EMILIN2: variants seen among roughly 807,000 people sequenced by gnomAD.
EMILIN2 encodes the protein EMILIN-2.
EMILIN2 carries 71 observed loss-of-function variants against 87.1 expected under a neutral mutation model. The observed-to-expected ratio is 0.82, with a 90% CI of 0.67 to 0.99. EMILIN2 has a LOEUF of 0.99. Among genes scored for constraint, EMILIN2 ranks in the 50% least tolerant of loss-of-function variants. The pLI is 0.00. For missense variants in EMILIN2, 1,407 were observed against 1,371.8 expected, an observed-to-expected ratio of 1.03 and a Z score of -0.40; for synonymous variants, 581 against 563.4, an observed-to-expected ratio of 1.03 and a Z score of -0.44.
intron 2 of EMILIN2, among the ~76,000 whole-genome samples, chr18:2,866,856 A>T (rs762666988): frequency 1.4e-4 from 22 of 152,182 alleles, no homozygotes; most frequent in African/African-American, 5.3e-4. Context: ...CTTTTATTAC[A>T]TTGAAGTATG....
chr18:2,848,422 T>C lies in EMILIN2; in HGVS notation c.257+491T>C, dbSNP rs1455301650. Among the ~76,000 whole-genome samples the C allele has an allele frequency of 1.3e-5, 2 of 152,154 alleles. No homozygotes were observed. Among genetic ancestry groups the C allele is most frequent in the Non-Finnish European group, 2.9e-5 (2 of 68,026 alleles). ...CCCATAAAACGGAATCTTCCAGTTT[T>C]GTAGATGTCTAAGCTAAAACCTCAG... On this transcript the variant is annotated intron_variant, in intron 2 of 7. Transcript: ENST00000254528. This position sits in a 1 kb window ranked among gnomAD's most constrained non-coding sequence, Gnocchi z 4.1.
chr18:2,868,353 G>C (rs936698179), intron 2 of EMILIN2, among the ~76,000 whole-genome samples: 2 of 152,088 alleles, frequency 1.3e-5, no homozygotes, highest in Non-Finnish European at 2.9e-5. Flanking sequence ...CATCCCAGAC[G>C]ATGGGCGGCC....
In EMILIN2 at chr18:2,888,725, A is replaced by C. The variant is rs185196790; in HGVS notation, c.434-1836A>C. Among the ~76,000 whole-genome samples, 536 of 151,746 alleles carry C rather than the reference A, an allele frequency of 3.5e-3. 5 individuals are homozygous for C. Among genetic ancestry groups the C allele is most frequent in the Non-Finnish European group, 6.5e-3 (440 of 67,842 alleles). On this transcript the variant is annotated intron_variant, in intron 3 of 7. Transcript: ENST00000254528. ...GGGAGATTCTGTCTCAAAAAAAAAA[A>C]AAAAAAGAGAGAGAGAGAGAATAAA...
intron 4 of EMILIN2, among the ~76,000 whole-genome samples, chr18:2,899,574 G>T (rs185856376): frequency 4.6e-4 from 69 of 151,584 alleles, no homozygotes; most frequent in Non-Finnish European, 8.4e-4. Context: ...GCACAATCTC[G>T]GCTCACTGCA....
At chr18:2,906,470 T>G in intron 4 of EMILIN2, 2 of 197,300 alleles carry the variant, frequency 1.0e-5, no homozygotes. Context: ...GGTTTCCGCG[T>G]GCTGTGAAAT....
rs547024122 is a variant in EMILIN2, at chr18:2,855,806, C to A, written c.257+7875C>A. On this transcript the variant is annotated intron_variant, in intron 2 of 7. Coordinates refer to ENST00000254528, the MANE Select transcript of EMILIN2 (RefSeq NM_032048.3). ...CATGACAGGGTTGTGGGGAGGAGGC[C>A]CCAGTGCGGGAACACAGCTGACAGA... is the stretch of plus-strand genomic sequence containing the variant. 3.5e-3 allele frequency among the ~76,000 whole-genome samples: 534 copies of A among 152,292 alleles called. 1 individual carries two copies. The highest frequency in any genetic ancestry group is 6.6e-3 in the Non-Finnish European group (448 of 68,012).
chr18:2,893,417 G>A (rs2076849186), intron 4 of EMILIN2, among the ~76,000 whole-genome samples: 2 of 152,208 alleles, frequency 1.3e-5, no homozygotes, highest in South Asian at 4.1e-4. Flanking sequence ...GGGACAGGAA[G>A]TATCTAAAGC....
At chr18:2,871,299 A>G (rs1391863057) in intron 2 of EMILIN2, among the ~76,000 whole-genome samples, 2 of 151,670 alleles carry the variant, frequency 1.3e-5, no homozygotes, top group Non-Finnish European at 2.9e-5. Flanking sequence ...CTGGCCTCGA[A>G]CTCCTGGGCT....
chr18:2,869,009 C>T (rs2076705866), intron 2 of EMILIN2, among the ~76,000 whole-genome samples: 1 of 150,864 alleles, frequency 6.6e-6, no homozygotes, highest in South Asian at 2.1e-4. Flanking sequence ...TGATCCAATA[C>T]CTTTAAAAGA....
intron 4 of EMILIN2, among the ~76,000 whole-genome samples, chr18:2,900,062 T>C (rs994946050): frequency 2.0e-5 from 3 of 152,220 alleles, no homozygotes; most frequent in African/African-American, 7.2e-5. Context: ...TGGATTCTTA[T>C]TATTTTGGTG....
intron 4 of EMILIN2, among the ~76,000 whole-genome samples, chr18:2,895,200 G>A (rs528788609): frequency 2.6e-5 from 4 of 152,150 alleles, no homozygotes; most frequent in Admixed American, 2.6e-4. Context: ...AGTGTTCAGA[G>A]AAGCACCCAC....
intron 2 of EMILIN2, among the ~76,000 whole-genome samples, chr18:2,875,511 T>G (rs998303282): frequency 4.1e-4 from 1 of 2,428 alleles, no homozygotes; most frequent in Admixed American, 5.6e-3. Context: ...AAAATAATTC[T>G]TTAGGAGGGT....
chr18:2,858,314 C>A (rs991100855), intron 2 of EMILIN2, among the ~76,000 whole-genome samples: 4 of 150,970 alleles, frequency 2.6e-5, no homozygotes, highest in Non-Finnish European at 1.5e-5. Context: ...TCACCCACTT[C>A]CCATCCTTTT....
In EMILIN2 at chr18:2,847,856, T is replaced by C; in HGVS notation, c.182T>C (p.Leu61Pro). 1 of 1,613,676 alleles carries C rather than the reference T, an allele frequency of 6.2e-7. No individual in the cohort carries two copies. Among genetic ancestry groups the C allele is most frequent in the East Asian group, 2.2e-5 (1 of 44,862 alleles). ...AACAAGAATGTGAGCTGCTCCGTGCTGGAGGGAAGTGAGAGTTTTATTCAG... is the reference window on the plus strand; with the variant it reads ...AACAAGAATGTGAGCTGCTCCGTGCCGGAGGGAAGTGAGAGTTTTATTCAG... ...IVNKNVSCSV[L>P]EGSESFIQAQ... The change falls in exon 2 of 8, where the codon CTG (leucine) becomes CCG (proline). Residue 61 changes from leucine to proline, a missense_variant. Coordinates refer to ENST00000254528, the MANE Select transcript of EMILIN2 (RefSeq NM_032048.3). This position sits in a 1 kb window ranked among gnomAD's most constrained non-coding sequence, Gnocchi z 4.5.
At chr18:2,887,491 C>T (rs923247912) in intron 3 of EMILIN2, among the ~76,000 whole-genome samples, 4 of 65,988 alleles carry the variant, frequency 6.1e-5, no homozygotes, top group African/African-American at 1.9e-4. Flanking sequence ...TGAGTTCTTG[C>T]TCTGTTAGTA....
At chr18:2,887,073 G>A (rs2076806810) in intron 3 of EMILIN2, among the ~76,000 whole-genome samples, 1 of 152,162 alleles carries the variant, frequency 6.6e-6, no homozygotes, top group Non-Finnish European at 1.5e-5. Flanking sequence ...TACATGGGAA[G>A]CAAACTTTTT....
In EMILIN2 at chr18:2,907,065, A is replaced by G. The variant is rs887767181; in HGVS notation, c.2642A>G (p.Glu881Gly). 2.3e-5 allele frequency: 29 copies of G among 1,256,764 alleles called. No homozygotes were observed. Among genetic ancestry groups the G allele is most frequent in the East Asian group, 9.4e-5 (3 of 31,844 alleles). 77.9% of individuals were successfully genotyped at this position (1,256,764 alleles called of 1,614,324 possible). The change falls in exon 5 of 8, where the codon GAA (glutamate) becomes GGA (glycine). Residue 881 changes from glutamate (E) to glycine (G), a missense_variant. Physicochemically the swap from Glu to Gly is moderately conservative, Grantham distance 98 (BLOSUM62 -2). Coordinates refer to ENST00000254528, the MANE Select transcript of EMILIN2 (RefSeq NM_032048.3). Reference protein sequence around the residue: ...QTGSGTVPGAEGFAGAPGYPK... With the variant: ...QTGSGTVPGAGGFAGAPGYPK... ...GGGAGCGGCACCGTCCCCGGCGCAG[A>G]AGGCTTCGCGGGCGCACCAGGTGAG...
chr18:2,873,527 G>A (rs2076731734), intron 2 of EMILIN2, among the ~76,000 whole-genome samples: 1 of 151,988 alleles, frequency 6.6e-6, no homozygotes. Context: ...CTAACACGGT[G>A]AAACCCCATC....
At chr18:2,911,775 T>C (rs1398359621) in intron 7 of EMILIN2, among the ~76,000 whole-genome samples, 3 of 152,200 alleles carry the variant, frequency 2.0e-5, no homozygotes, top group Non-Finnish European at 1.5e-5. Context: ...TTCCCAGAGC[T>C]ATCTCTTGTC....
Sources: gnomAD v4.1 joint callset for allele counts (sites outside exome capture counted in the v4.1 genomes callset) on GRCh38, gnomAD v4.1.1 for gene constraint, Gnocchi (gnomAD v3.1) non-coding constraint, MANE v1.5 for transcripts, NCBI Gene and HGNC (gene_info 2026-07-23, HGNC 2026-07-21) for gene names.